The following PTN variants were observed in gnomAD, a reference collection of about 807,000 sequenced individuals.
The protein encoded by PTN is heparin affin regulatory protein.
A neutral mutation model predicts 24.1 loss-of-function variants in PTN; 18 were observed. The ratio of observed to expected loss-of-function variants is 0.75; its 90% CI spans 0.52 to 1.11. PTN has a LOEUF of 1.11. PTN is among the 50% of genes least tolerant of loss of function. The probability of loss-of-function intolerance (pLI) is 0.00; values close to 1 mark genes in which losing one functional copy is unlikely to be tolerated. For synonymous variants in PTN, 78 were observed against 68.6 expected, an observed-to-expected ratio of 1.14 and a Z score of -0.67; for missense variants, 163 against 198.8, an observed-to-expected ratio of 0.82 and a Z score of 1.08.
intron 1 of PTN, among the ~76,000 whole-genome samples, chr7:137,316,333 C>A (rs1810071608): frequency 6.6e-6 from 1 of 152,166 alleles, no homozygotes; most frequent in Non-Finnish European, 1.5e-5. Flanking sequence ...AAACTTGGAG[C>A]AAGGTGCAAA....
At chr7:137,315,639 C>G (rs977342452) in intron 1 of PTN, among the ~76,000 whole-genome samples, 1 of 152,182 alleles carries the variant, frequency 6.6e-6, no homozygotes, top group South Asian at 2.1e-4. Flanking sequence ...CTTAAACCAC[C>G]TAGTGACTCT....
intron 4 of PTN, among the ~76,000 whole-genome samples, chr7:137,242,446 G>A (rs1432158638): frequency 1.3e-5 from 2 of 152,122 alleles, no homozygotes; most frequent in African/African-American, 2.4e-5. Context: ...TGACTCACCT[G>A]TAGCATAGAC....
intron 4 of PTN, among the ~76,000 whole-genome samples, chr7:137,231,040 C>T (rs1808418530): frequency 6.6e-6 from 1 of 151,800 alleles, no homozygotes; most frequent in South Asian, 2.1e-4. Context: ...AGTTTGCTGA[C>T]CTCGCAGTGT....
chr7:137,239,575 A>C (rs1808589981), intron 4 of PTN, among the ~76,000 whole-genome samples: 2 of 148,280 alleles, frequency 1.3e-5, no homozygotes, highest in South Asian at 2.2e-4. Flanking sequence ...AACAGTCCCC[A>C]GAGTGTGATG....
intron 1 of PTN, among the ~76,000 whole-genome samples, chr7:137,297,540 G>A (rs1307930152): frequency 3.9e-5 from 6 of 152,050 alleles, no homozygotes; most frequent in Non-Finnish European, 4.4e-5. Flanking sequence ...ACCACCTTTG[G>A]ATCTGAGGTG....
chr7:137,302,437 A>C (rs1000067838), intron 1 of PTN, among the ~76,000 whole-genome samples: 1 of 152,034 alleles, frequency 6.6e-6, no homozygotes, highest in African/African-American at 2.4e-5. Flanking sequence ...ATCAGCCAAA[A>C]TTCAATGAGA....
rs200902229 is a variant in PTN at position 137,274,469 on chromosome 7, C to T, written c.-1-19495G>A. On this transcript the variant is annotated intron_variant, in intron 1 of 4. Transcript: ENST00000348225. ...TGCTGCTTTGCTGCACCCATCAACC[C>T]GTCACCTACATTAGGTATTTCTCCT... 3.6e-4 allele frequency among the ~76,000 whole-genome samples: 54 copies of T among 152,076 alleles called. 1 individual carries two copies. The East Asian group carries it at 8.7e-3, about 25-fold the overall frequency.
chr7:137,242,757 T>C lies in PTN; in HGVS notation c.451+8473A>G, dbSNP rs569533967. Among the ~76,000 whole-genome samples the C allele has an allele frequency of 5.3e-5, 8 of 152,230 alleles. No individual in the cohort carries two copies. The South Asian group carries it at 1.7e-3, about 32-fold the overall frequency. On this transcript the variant is annotated intron_variant, in intron 4 of 4. Transcript: ENST00000348225. The stretch of plus-strand genomic sequence containing the variant: ...GCTTTAGCTTGGCTCTGCACTCCAG[T>C]GACAAATACCAGAAGCCTGCTCCAT...
At chr7:137,296,366 G>C (rs921654056) in intron 1 of PTN, among the ~76,000 whole-genome samples, 1 of 151,938 alleles carries the variant, frequency 6.6e-6, no homozygotes, top group East Asian at 1.9e-4. Flanking sequence ...AAAAATTCAA[G>C]TAGACATATT....
chr7:137,302,129 T>C (rs1436226553), intron 1 of PTN, among the ~76,000 whole-genome samples: 1 of 152,006 alleles, frequency 6.6e-6, no homozygotes, highest in Non-Finnish European at 1.5e-5. Flanking sequence ...ATATAGTAAT[T>C]TATGGCTTAA....
intron 1 of PTN, among the ~76,000 whole-genome samples, chr7:137,297,625 C>CACA (rs1191011458): frequency 6.6e-6 from 1 of 151,984 alleles, no homozygotes; most frequent in African/African-American, 2.4e-5. Context: ...TCTAAATACA[C>CACA]ACAACAACAA....
chr7:137,263,005 C>G (rs902003905), intron 1 of PTN, among the ~76,000 whole-genome samples: 2 of 152,106 alleles, frequency 1.3e-5, no homozygotes, highest in Non-Finnish European at 1.5e-5. Flanking sequence ...TCATTTCCCC[C>G]CTTCGAGACT....
In PTN at chr7:137,227,859, T is replaced by TA. The variant is rs2128866559; in HGVS notation, c.*160dup. 3 of 834,280 alleles carry TA rather than the reference T, an allele frequency of 3.6e-6. No individual in the cohort carries two copies. The East Asian group carries it at 8.4e-5, about 23-fold the overall frequency. 51.7% of individuals were successfully genotyped at this position (834,280 alleles called of 1,614,324 possible). ...CCCTACTGGTACTATAGTATACATT[T>TA]AAAAAACGCTACTACAAAAATTTTC... On this transcript the variant is annotated 3_prime_UTR_variant, in exon 5 of 5. Transcript: ENST00000348225.
chr7:137,331,231 A>T (rs1035209728), intron 1 of PTN, among the ~76,000 whole-genome samples: 6 of 152,176 alleles, frequency 3.9e-5, no homozygotes, highest in African/African-American at 1.2e-4. Flanking sequence ...AATTGGTAGA[A>T]ATCCACATCT....
intron 4 of PTN, among the ~76,000 whole-genome samples, chr7:137,241,131 G>A (rs778967199): frequency 2.6e-5 from 4 of 152,050 alleles, no homozygotes; most frequent in Non-Finnish European, 5.9e-5. Context: ...ATCAACTCTC[G>A]TGAGAACTCA....
intron 1 of PTN, among the ~76,000 whole-genome samples, chr7:137,264,977 T>C (rs1585019516): frequency 6.6e-6 from 1 of 151,548 alleles, no homozygotes; most frequent in Non-Finnish European, 1.5e-5. Flanking sequence ...CTGCCATTTT[T>C]TTTTTTTTTT....
chr7:137,289,421 T>C (rs1220251495), intron 1 of PTN, among the ~76,000 whole-genome samples: 1 of 152,198 alleles, frequency 6.6e-6, no homozygotes, highest in African/African-American at 2.4e-5. Context: ...ACTTCTCTTA[T>C]CGATCGAGCA....
chr7:137,244,221 T>C (rs1808682916), intron 4 of PTN, among the ~76,000 whole-genome samples: 1 of 152,124 alleles, frequency 6.6e-6, no homozygotes, highest in South Asian at 2.1e-4. Context: ...AGTCAAGCAA[T>C]GAACCTTTCC....
At chr7:137,239,519 T>C (rs1330497013) in intron 4 of PTN, among the ~76,000 whole-genome samples, 9 of 152,164 alleles carry the variant, frequency 5.9e-5, no homozygotes, top group Non-Finnish European at 1.3e-4. Context: ...CATCTAGCAT[T>C]AGGTATATCT....
Sources: gnomAD v4.1 joint callset for allele counts (sites outside exome capture counted in the v4.1 genomes callset) on GRCh38, gnomAD v4.1.1 for gene constraint, MANE v1.5 for transcripts, NCBI Gene and HGNC (gene_info 2026-07-23, HGNC 2026-07-21) for gene names.